CRYZL1: variants seen among roughly 807,000 people sequenced by gnomAD.
CRYZL1 encodes the protein ferry endosomal RAB5 effector complex subunit 4.
CRYZL1 carries 34 observed loss-of-function variants against 50.6 expected under a neutral mutation model. That is an observed-to-expected ratio of 0.67 (90% CI 0.51 to 0.89). The LOEUF (loss-of-function observed/expected upper bound fraction) is 0.89. CRYZL1 is among the 40% of genes least tolerant of loss of function. The pLI is 0.00. For missense variants in CRYZL1, 354 were observed against 402.3 expected, an observed-to-expected ratio of 0.88 and a Z score of 1.03; for synonymous variants, 125 against 134.3, an observed-to-expected ratio of 0.93 and a Z score of 0.48.
At chr21:33,620,114 A>T (rs1411212780) in intron 4 of CRYZL1, among the ~76,000 whole-genome samples, 1 of 152,212 alleles carries the variant, frequency 6.6e-6, no homozygotes. Context: ...CTACAGTCTG[A>T]GAAAAAAGAA....
At chr21:33,612,902 T>C (rs2086888942) in intron 6 of CRYZL1, among the ~76,000 whole-genome samples, 1 of 152,136 alleles carries the variant, frequency 6.6e-6, no homozygotes, top group Non-Finnish European at 1.5e-5. Flanking sequence ...TGGTGCAATC[T>C]CAGCTCCATC....
chr21:33,621,253 A>G (rs1945480161), intron 4 of CRYZL1, among the ~76,000 whole-genome samples: 1 of 151,028 alleles, frequency 6.6e-6, no homozygotes, highest in African/African-American at 2.4e-5. Context: ...AAGAGAAAGA[A>G]TTGTCTTGAG....
intron 1 of CRYZL1, among the ~76,000 whole-genome samples, chr21:33,636,979 T>G (rs1568801717): frequency 1.3e-5 from 2 of 152,170 alleles, no homozygotes; most frequent in Non-Finnish European, 2.9e-5. Context: ...GCTAATTTTT[T>G]GTATAAAACT....
intron 11 of CRYZL1, chr21:33,595,343 G>A: frequency 5.6e-6 from 7 of 1,250,516 alleles, no homozygotes; most frequent in Non-Finnish European, 7.4e-6. Flanking sequence ...CATCATAGGA[G>A]TAAGTGTGCA....
In CRYZL1 at chr21:33,599,106, A is replaced by G. The variant is rs777503408; in HGVS notation, c.676+44T>C. On this transcript the variant is annotated intron_variant, in intron 9 of 12. Transcript: ENST00000381554. ...TAAATTTTTTTTCTTAAATTCATCAAACTAAAAAAACTACACAGGCTACTA... is the reference window on the plus strand; with the variant it reads ...TAAATTTTTTTTCTTAAATTCATCAGACTAAAAAAACTACACAGGCTACTA... The G allele has an allele frequency of 3.8e-6, 6 of 1,579,266 alleles. No individual in the cohort carries two copies. The Admixed American group carries it at 1.1e-4, about 30-fold the overall frequency.
At position 33,600,967 on chromosome 21, in the gene CRYZL1, C is replaced by T. The variant is rs554602382; in HGVS notation, c.577+1267G>A. On this transcript the variant is annotated intron_variant, in intron 8 of 12. Transcript: ENST00000381554. ...TTTTTTTTTTTTGGGGGCGGACTGT[C>T]GCTCTGTTGCCCAGGCTGGAGTGCA... Among the ~76,000 whole-genome samples, 52 of 76,552 alleles carry T rather than the reference C, an allele frequency of 6.8e-4. 1 individual carries two copies. Among genetic ancestry groups the T allele is most frequent in the African/African-American group, 2.7e-3 (50 of 18,324 alleles). The allele number at this position is 76,552 out of a possible 152,430, so 50.2% of individuals were successfully genotyped here. A position where few individuals can be genotyped will look rare whatever the true frequency, so the allele number is the denominator to read the frequency against.
intron 11 of CRYZL1, chr21:33,591,510 A>G (rs2086642157): frequency 4.9e-6 from 2 of 405,416 alleles, no homozygotes; most frequent in Non-Finnish European, 8.8e-6. Context: ...CGAATGAAAT[A>G]GTGTCTAGTT....
intron 9 of CRYZL1, among the ~76,000 whole-genome samples, chr21:33,597,815 T>C (rs2086711396): frequency 6.6e-6 from 1 of 152,006 alleles, no homozygotes; most frequent in African/African-American, 2.4e-5. Flanking sequence ...GGGGTTTCAT[T>C]GTGTTAGCCA....
At chr21:33,615,157 T>G (rs1329508942) in intron 5 of CRYZL1, among the ~76,000 whole-genome samples, 1 of 57,886 alleles carries the variant, frequency 1.7e-5, no homozygotes, top group Non-Finnish European at 3.2e-5. Context: ...TTTCTCTCTT[T>G]TTTTTTTTTT....
chr21:33,622,732 C>G (rs1419210574), intron 3 of CRYZL1, among the ~76,000 whole-genome samples: 2 of 152,096 alleles, frequency 1.3e-5, no homozygotes, highest in African/African-American at 4.8e-5. Flanking sequence ...GGTTTAAGCT[C>G]CTGGCACTTA....
chr21:33,619,524 T>C (rs2086970952), intron 4 of CRYZL1, among the ~76,000 whole-genome samples: 1 of 152,230 alleles, frequency 6.6e-6, no homozygotes, highest in Non-Finnish European at 1.5e-5. Flanking sequence ...TTGTACAATA[T>C]CTTTTATTCT....
At chr21:33,600,100 A>G (rs1248300116) in intron 8 of CRYZL1, among the ~76,000 whole-genome samples, 1 of 152,224 alleles carries the variant, frequency 6.6e-6, no homozygotes, top group African/African-American at 2.4e-5. Context: ...TAACATTTAA[A>G]AAATCCTAAA....
At chr21:33,640,029 T>A in intron 1 of CRYZL1, 1 of 849,394 alleles carries the variant, frequency 1.2e-6, no homozygotes, top group East Asian at 3.3e-5. Flanking sequence ...TTTCACCATG[T>A]TGGCCAGGCT....
intron 2 of CRYZL1, among the ~76,000 whole-genome samples, chr21:33,627,735 C>T (rs1374946187): frequency 7.0e-6 from 1 of 142,598 alleles, no homozygotes; most frequent in Non-Finnish European, 1.5e-5. Context: ...ACATATGAGA[C>T]ATGGTTTTTT....
chr21:33,641,138 T>C (rs761897789), intron 1 of CRYZL1: 24 of 1,548,708 alleles, frequency 1.5e-5, no homozygotes, highest in Non-Finnish European at 2.1e-5. Flanking sequence ...GAAACGCAGA[T>C]GTTCGGCCCC....
chr21:33,603,279 C>T, intron 7 of CRYZL1, 125 bp downstream of exon 7: 1 of 1,179,426 alleles, frequency 8.5e-7, no homozygotes. Flanking sequence ...AAATAGGACA[C>T]TGGAAAAAAA....
At chr21:33,630,649 A>T (rs566709739) in intron 2 of CRYZL1, among the ~76,000 whole-genome samples, 18 of 152,194 alleles carry the variant, frequency 1.2e-4, no homozygotes, top group African/African-American at 3.9e-4. Flanking sequence ...GTATACATAC[A>T]TCCAAAGGAA....
chr21:33,591,571 G>A (rs182997509), intron 11 of CRYZL1: 16 of 257,026 alleles, frequency 6.2e-5, no homozygotes, highest in Admixed American at 5.4e-4. Context: ...ATTTTAGCAC[G>A]TATATATCTT....
intron 5 of CRYZL1, among the ~76,000 whole-genome samples, chr21:33,615,154 CTTTTTTTT>C (rs10550201): frequency 1.6e-5 from 2 of 123,634 alleles, no homozygotes; most frequent in Admixed American, 8.6e-5. Flanking sequence ...TTCTTTCTCT[CTTTTTTTT>C]TTTTTTTTTT....
Sources: gnomAD v4.1 joint callset for allele counts (sites outside exome capture counted in the v4.1 genomes callset) on GRCh38, gnomAD v4.1.1 for gene constraint, MANE v1.5 for transcripts, NCBI Gene and HGNC (gene_info 2026-07-23, HGNC 2026-07-21) for gene names.